EYS: variants seen among roughly 807,000 people sequenced by gnomAD.
The protein encoded by EYS is EGF-like photoreceptor maintenance factor, also known as protein eyes shut homolog.
Under a neutral mutation model 282.1 loss-of-function variants are expected in EYS, and 250 were observed. That is an observed-to-expected ratio of 0.89 (90% CI 0.80 to 0.98). EYS has a LOEUF of 0.98. Among genes scored for constraint, EYS ranks in the 50% least tolerant of loss-of-function variants. The pLI, the probability that EYS is intolerant of heterozygous loss-of-function variation, is 0.00. For missense variants in EYS, 4,016 were observed against 3,709.0 expected, an observed-to-expected ratio of 1.08 and a Z score of -2.15; for synonymous variants, 1,355 against 1,282.9, an observed-to-expected ratio of 1.06 and a Z score of -1.20.
intron 36 of EYS, among the ~76,000 whole-genome samples, chr6:63,859,777 T>C (rs2149707669): frequency 1.3e-5 from 2 of 152,312 alleles, no homozygotes; most frequent in South Asian, 4.1e-4. Context: ...CAGTGTTTGT[T>C]TGTCTCGGCT....
intron 26 of EYS, among the ~76,000 whole-genome samples, chr6:64,500,203 G>A (rs867151173): frequency 1.4e-4 from 22 of 151,856 alleles, no homozygotes; most frequent in African/African-American, 5.1e-4. Context: ...ATCTTTTCAG[G>A]TATCTTTATT....
intron 31 of EYS, among the ~76,000 whole-genome samples, chr6:64,089,545 C>T (rs1562194696): frequency 6.7e-6 from 1 of 150,012 alleles, no homozygotes; most frequent in East Asian, 1.9e-4. Context: ...TTATACTAAA[C>T]TTTTTTACCA....
At chr6:65,115,263 T>A (rs574918345) in intron 12 of EYS, among the ~76,000 whole-genome samples, 1 of 152,180 alleles carries the variant, frequency 6.6e-6, no homozygotes, top group East Asian at 1.9e-4. Flanking sequence ...ATACAAAGTA[T>A]CATAATATAC....
At chr6:63,888,932 A>G (rs921733139) in intron 35 of EYS, among the ~76,000 whole-genome samples, 1 of 152,244 alleles carries the variant, frequency 6.6e-6, no homozygotes, top group Non-Finnish European at 1.5e-5. Context: ...TAACCAGTTT[A>G]GAGAAGAACA....
chr6:64,734,003 T>C (rs1772074313), intron 22 of EYS, among the ~76,000 whole-genome samples: 2 of 152,024 alleles, frequency 1.3e-5, no homozygotes, highest in Non-Finnish European at 2.9e-5. Flanking sequence ...TATGATACCT[T>C]CAATTACGTT....
intron 36 of EYS, among the ~76,000 whole-genome samples, chr6:63,839,739 C>G (rs1302279195): frequency 2.0e-5 from 3 of 152,182 alleles, no homozygotes; most frequent in Non-Finnish European, 4.4e-5. Flanking sequence ...ACATACCCAG[C>G]AGTGGAACTG....
chr6:64,327,457 A>G (rs781033311), intron 29 of EYS, among the ~76,000 whole-genome samples: 8 of 152,148 alleles, frequency 5.3e-5, no homozygotes, highest in Non-Finnish European at 1.2e-4. Context: ...CCTTTGTGAG[A>G]TAGACCGGCC....
intron 6 of EYS, among the ~76,000 whole-genome samples, chr6:65,402,995 G>T (rs1766577039): frequency 6.6e-6 from 1 of 151,982 alleles, no homozygotes. Context: ...TCATGTTTAG[G>T]ATTGTGGCTA....
intron 35 of EYS, among the ~76,000 whole-genome samples, chr6:63,899,649 C>A (rs1011301384): frequency 2.6e-5 from 4 of 152,160 alleles, no homozygotes; most frequent in African/African-American, 9.7e-5. Context: ...TTCAGGCTGC[C>A]TCTTCTGGAA....
At chr6:64,987,624 G>A (rs571888374) in intron 14 of EYS, among the ~76,000 whole-genome samples, 1 of 151,478 alleles carries the variant, frequency 6.6e-6, no homozygotes, top group East Asian at 2.0e-4. Flanking sequence ...GGAATCTTGG[G>A]GGAGGCATGA....
chr6:65,306,832 C>CTAAAAA, intron 11 of EYS, among the ~76,000 whole-genome samples: 1 of 51,736 alleles, frequency 1.9e-5, no homozygotes, highest in Non-Finnish European at 3.3e-5. Flanking sequence ...GAGTCCGTCT[C>CTAAAAA]AAAAAAAAAA....
chr6:63,742,508 T>G (rs1769101777), intron 41 of EYS, among the ~76,000 whole-genome samples: 1 of 152,196 alleles, frequency 6.6e-6, no homozygotes, highest in Non-Finnish European at 1.5e-5. Flanking sequence ...AGGCTTTCCT[T>G]GTGGCAAGAG....
chr6:64,319,910 C>T (rs1350490777), intron 29 of EYS, among the ~76,000 whole-genome samples: 1 of 151,970 alleles, frequency 6.6e-6, no homozygotes, highest in Non-Finnish European at 1.5e-5. Flanking sequence ...ATTTGCCTTG[C>T]AGTTCCAAGT....
intron 40 of EYS, among the ~76,000 whole-genome samples, chr6:63,770,629 C>T (rs964729540): frequency 1.3e-5 from 2 of 152,060 alleles, no homozygotes; most frequent in Non-Finnish European, 2.9e-5. Context: ...CAGGTCATCT[C>T]CTGTGTGGAT....
chr6:64,964,666 T>C (rs571604501), intron 14 of EYS, among the ~76,000 whole-genome samples: 87 of 152,318 alleles, frequency 5.7e-4, no homozygotes, highest in African/African-American at 2.0e-3. Context: ...ATAAAATATG[T>C]CTTTTTGCCT....
At chr6:63,860,574 G>A (rs977556839) in intron 36 of EYS, among the ~76,000 whole-genome samples, 2 of 152,208 alleles carry the variant, frequency 1.3e-5, no homozygotes, top group Non-Finnish European at 2.9e-5. Flanking sequence ...TCACGCACAA[G>A]TTGCCCACAG....
At chr6:64,835,934 AT>A (rs1765369761) in intron 19 of EYS, among the ~76,000 whole-genome samples, 1 of 151,608 alleles carries the variant, frequency 6.6e-6, no homozygotes, top group East Asian at 1.9e-4. Context: ...AAAATAAACG[AT>A]GTATAAAAGA....
In EYS at chr6:65,038,434, A is replaced by G. The variant is rs564507631; in HGVS notation, c.2137+19180T>C. Among the ~76,000 whole-genome samples the G allele has an allele frequency of 7.9e-5, 12 of 151,578 alleles. No homozygotes were observed. In the East Asian group the frequency reaches 2.1e-3, roughly 27 times the overall value. On this transcript the variant is annotated intron_variant, in intron 13 of 42. Transcript: ENST00000503581. ...TAGTTTGATCCTTCCTTCACTGAGTAATAGTCCATTGTACATACATATCAC... is the reference window on the plus strand; with the variant it reads ...TAGTTTGATCCTTCCTTCACTGAGTGATAGTCCATTGTACATACATATCAC...
At chr6:65,253,701 C>T (rs544353984) in intron 12 of EYS, among the ~76,000 whole-genome samples, 2 of 151,832 alleles carry the variant, frequency 1.3e-5, no homozygotes, top group East Asian at 1.9e-4. Context: ...TCACTGTAGA[C>T]CATAGCTATA....
Sources: gnomAD v4.1 joint callset for allele counts (sites outside exome capture counted in the v4.1 genomes callset) on GRCh38, gnomAD v4.1.1 for gene constraint, MANE v1.5 for transcripts, NCBI Gene and HGNC (gene_info 2026-07-23, HGNC 2026-07-21) for gene names.